Variants in BAG6 observed in about 807,000 individuals in gnomAD.
BAG6 encodes the protein large proline-rich protein BAG6.
BAG6 carries 22 observed loss-of-function variants against 121.0 expected under a neutral mutation model. That is an observed-to-expected ratio of 0.18 (90% confidence interval 0.13 to 0.26). BAG6 has a LOEUF of 0.26. Among genes scored for constraint, BAG6 ranks in the 10% least tolerant of loss-of-function variants. The probability of loss-of-function intolerance (pLI) is 1.00; values close to 1 mark genes in which losing one functional copy is unlikely to be tolerated. For missense variants in BAG6, 1,233 were observed against 1,537.7 expected (o/e 0.80, Z 3.31); for synonymous variants, 583 against 584.6 (o/e 1.00, Z 0.04).
chr6:31,651,800 G>C, intron 1 of BAG6, 24 bp from the exon 2 acceptor site: 1 of 1,583,644 alleles, frequency 6.3e-7, no homozygotes, highest in South Asian at 1.1e-5. Context: ...AAGGAAGGAA[G>C]GCCCGCTGTT....
At chr6:31,650,822 A>G (rs1390704648) in intron 2 of BAG6, among the ~76,000 whole-genome samples, 1 of 152,192 alleles carries the variant, frequency 6.6e-6, no homozygotes, top group Admixed American at 6.5e-5. Context: ...GGACCACCCC[A>G]CATGCAATTT....
At chr6:31,639,824 G>A in intron 24 of BAG6, 178 bp from the exon 25 acceptor site, 1 of 830,834 alleles carries the variant, frequency 1.2e-6, no homozygotes, top group Non-Finnish European at 1.8e-6. Context: ...ATTCTCTTTG[G>A]CACTAGCCAA....
chr6:31,645,650 G>A (rs1788285643), intron 8 of BAG6, 46 bp from the exon 9 acceptor site: 3 of 1,595,862 alleles, frequency 1.9e-6, no homozygotes, highest in Admixed American at 3.5e-5. Context: ...ATATCAAGCT[G>A]GAGTCCATCT....
rs370784552 is a variant in BAG6, at chr6:31,651,798, A to C, written c.-13-22T>G. ...GTCTCTAAAGAAGAACGAAGGAAGGAAGGCCCGCTGTTGCCCAGACCAGAG... is the reference window on the plus strand; with the variant it reads ...GTCTCTAAAGAAGAACGAAGGAAGGCAGGCCCGCTGTTGCCCAGACCAGAG... On this transcript the variant is annotated intron_variant, in intron 1 of 25. Coordinates refer to ENST00000676615, the MANE Select transcript of BAG6 (RefSeq NM_001387994.1). 6.1e-5 allele frequency: 97 copies of C among 1,594,190 alleles called. No homozygotes were observed. In the Middle Eastern group the frequency reaches 1.5e-3, roughly 25 times the overall value.
chr6:31,652,332 C>CAA, intron 1 of BAG6, 92 bp downstream of exon 1: 1 of 147,656 alleles, frequency 6.8e-6, no homozygotes, highest in South Asian at 2.1e-4. Context: ...CACACACACA[C>CAA]ACACACACAC....
chr6:31,641,830 G>A lies in BAG6; in HGVS notation c.2451C>T (p.Ser817=), dbSNP rs1783136639. ...CACCCAGGTAGTGCTGGTGGAAGAA[G>A]GATCGCAGCTGGGGCTGGAGCCGTT... ...PLQRLQPQLR[S]FFHQHYLGGQ... Residue 817 remains serine (S), a synonymous_variant, in exon 17 of 26, where the codon TCC becomes TCT. Coordinates refer to ENST00000676615, the MANE Select transcript of BAG6 (RefSeq NM_001387994.1). This position sits in a 1 kb window ranked among gnomAD's most constrained non-coding sequence, Gnocchi z 5.7. 1 of 1,613,000 alleles carries A rather than the reference G, an allele frequency of 6.2e-7. No homozygotes were observed. Among genetic ancestry groups the A allele is most frequent in the African/African-American group, 1.3e-5 (1 of 74,920 alleles).
intron 3 of BAG6, 53 bp from the exon 4 acceptor site, chr6:31,649,448 G>C: frequency 6.2e-7 from 1 of 1,610,854 alleles, no homozygotes; most frequent in South Asian, 1.1e-5. Flanking sequence ...TAAACCCATG[G>C]CCTCAGTTCA....
At chr6:31,650,245 C>T (rs1455072948) in intron 2 of BAG6, among the ~76,000 whole-genome samples, 1 of 151,926 alleles carries the variant, frequency 6.6e-6, no homozygotes, top group East Asian at 1.9e-4. Context: ...ATCAGTGACC[C>T]CTTTCCAAAC....
Position 31,646,452 on chromosome 6 carries a change from A to G in BAG6, c.860T>C (p.Phe287Ser), listed in dbSNP as rs767917607. 3.1e-6 allele frequency: 5 copies of G among 1,612,950 alleles called. No homozygotes were observed. The South Asian group carries it at 5.5e-5, about 18-fold the overall frequency. Residue 287 changes from phenylalanine (F) to serine (S), a missense_variant, in exon 8 of 26, where the codon TTC (phenylalanine) becomes TCC (serine). Physicochemically the swap from Phe to Ser is radical, Grantham distance 155. Transcript: ENST00000676615. ...LQRLESRLQP[F>S]LQRYYEVLGA... is the part of the protein sequence containing the mutation. Reference sequence around the variant, plus strand: ...CAGAACCTCGTAGTAGCGCTGCAAGAAGGGCTGGAGGCGACTCTCCAGCCG... The same window carrying G: ...CAGAACCTCGTAGTAGCGCTGCAAGGAGGGCTGGAGGCGACTCTCCAGCCG...
At position 31,648,920 on chromosome 6, in the gene BAG6, G is replaced by C; in HGVS notation, c.468C>G (p.Ala156=). 2 of 1,535,438 alleles carry C rather than the reference G, an allele frequency of 1.3e-6. No homozygotes were observed. The highest frequency in any genetic ancestry group is 1.7e-6 in the Non-Finnish European group (2 of 1,143,096). Residue 156 remains alanine (A), a synonymous_variant, in exon 5 of 26, where the codon GCC becomes GCG. Transcript: ENST00000676615. The part of the protein sequence containing the change: ...AVDVHINMEQ[A]PIQSEPRVRL... ...GGAGGCCCCTCAATACCTGAATCGGGGCCTGTTCCATGTTGATGTGAACAT... is the reference window on the plus strand; with the variant it reads ...GGAGGCCCCTCAATACCTGAATCGGCGCCTGTTCCATGTTGATGTGAACAT...
intron 1 of BAG6, chr6:31,652,070 G>A: frequency 3.1e-6 from 1 of 320,486 alleles, no homozygotes; most frequent in East Asian, 5.0e-5. Context: ...CCAGAGACTA[G>A]TGTCATCACC....
chr6:31,639,961 C>T lies in BAG6; in HGVS notation c.3246+238G>A, dbSNP rs542268217. On this transcript the variant is annotated intron_variant, in intron 24 of 25. Transcript: ENST00000676615. ...CTTAAAGGAAAATGGGATCTAAGCA[C>T]ATGGGGATTAGGCAGCTGAGCAACT... 1.2e-4 allele frequency among the ~76,000 whole-genome samples: 19 copies of T among 152,288 alleles called. No individual in the cohort carries two copies. The South Asian group carries it at 3.9e-3, about 32-fold the overall frequency.
In BAG6 at chr6:31,639,085, A is replaced by AG. The variant is rs773279712; in HGVS notation, c.*45dup. 9.4e-6 allele frequency: 14 copies of AG among 1,487,890 alleles called. 1 individual carries two copies. Among genetic ancestry groups the AG allele is most frequent in the Middle Eastern group, 1.7e-4 (1 of 5,752 alleles). 92.2% of individuals were successfully genotyped at this position (1,487,890 alleles called of 1,614,324 possible). A position where few individuals can be genotyped will look rare whatever the true frequency, so the allele number is the denominator to read the frequency against. On this transcript the variant is annotated 3_prime_UTR_variant, in exon 26 of 26. Transcript: ENST00000676615. Reference sequence around the variant, plus strand: ...TATTTCTTAAATACTGTGAAGGAAGAGGGGGGAAACGGTCCCCTGATGAGG... The same window carrying AG: ...TATTTCTTAAATACTGTGAAGGAAGAGGGGGGGAAACGGTCCCCTGATGAGG...
chr6:31,650,622 G>GC (rs1430243032), intron 2 of BAG6, among the ~76,000 whole-genome samples: 4 of 145,376 alleles, frequency 2.8e-5, no homozygotes, highest in Admixed American at 7.1e-5. Context: ...CTGAGATTGC[G>GC]CCCCAGCCCT....
rs1355696143 is a variant in BAG6 at position 31,644,292 on chromosome 6, C to T, written c.1555+15G>A. On this transcript the variant is annotated intron_variant, in intron 12 of 25. Coordinates refer to ENST00000676615, the MANE Select transcript of BAG6 (RefSeq NM_001387994.1). The surrounding 1 kb of genome is among the most constrained non-coding windows in gnomAD (Gnocchi z 4.9). Reference sequence around the variant, plus strand: ...CTGTGCCCTACCTCCCAAGCCTCCCCTTCCAGGTCATTACCTGCGGCCGCG... The same window carrying T: ...CTGTGCCCTACCTCCCAAGCCTCCCTTTCCAGGTCATTACCTGCGGCCGCG... 1.9e-5 allele frequency: 30 copies of T among 1,553,296 alleles called. No homozygotes were observed. Among genetic ancestry groups the T allele is most frequent in the Non-Finnish European group, 2.5e-5 (29 of 1,147,926 alleles).
At chr6:31,639,817 C>G in intron 24 of BAG6, 171 bp from the exon 25 acceptor site, 5 of 855,482 alleles carry the variant, frequency 5.8e-6, no homozygotes, top group Non-Finnish European at 5.2e-6. Context: ...CTTCCTAATT[C>G]TCTTTGGCAC....
chr6:31,650,740 T>C (rs1795598346), intron 2 of BAG6, among the ~76,000 whole-genome samples: 1 of 152,098 alleles, frequency 6.6e-6, no homozygotes, highest in African/African-American at 2.4e-5. Context: ...ACCAGAGTAT[T>C]TATATACATC....
Position 31,648,962 on chromosome 6 carries a change from A to T in BAG6, c.426T>A (p.Ser142Arg). 12 of 1,525,982 alleles carry T rather than the reference A, an allele frequency of 7.9e-6. No homozygotes were observed. The highest frequency in any genetic ancestry group is 8.8e-6 in the Non-Finnish European group (10 of 1,140,068). 94.5% of individuals were successfully genotyped at this position (1,525,982 alleles called of 1,614,324 possible). Residue 142 changes from serine (S) to arginine (R), a missense_variant and splice_region_variant, in exon 5 of 26, where the codon AGT becomes AGA. Coordinates refer to ENST00000676615, the MANE Select transcript of BAG6 (RefSeq NM_001387994.1). ...TGTGAACATCCACAGCAGAGCCGTCACTCTGGGGAAAGGGTAAGGGAAGTT... is the reference window on the plus strand; with the variant it reads ...TGTGAACATCCACAGCAGAGCCGTCTCTCTGGGGAAAGGGTAAGGGAAGTT... ...YVMVGTFNLP[S>R]DGSAVDVHIN... is the part of the protein sequence containing the mutation.
chr6:31,649,964 C>A (rs1794506780), intron 2 of BAG6, among the ~76,000 whole-genome samples: 1 of 151,862 alleles, frequency 6.6e-6, no homozygotes, highest in African/African-American at 2.4e-5. Flanking sequence ...ATAAGCCAGG[C>A]ATGGTGGTCG....
Sources: gnomAD v4.1 joint callset for allele counts (sites outside exome capture counted in the v4.1 genomes callset) on GRCh38, gnomAD v4.1.1 for gene constraint, Gnocchi (gnomAD v3.1) non-coding constraint, MANE v1.5 for transcripts, NCBI Gene and HGNC (gene_info 2026-07-23, HGNC 2026-07-21) for gene names.